Variants in PCDH7 observed in about 807,000 individuals in gnomAD.
PCDH7 encodes the protein protocadherin 7, also known as protocadherin-7.
In PCDH7, 17 loss-of-function variants were observed where a neutral mutation model predicts 58.9. The ratio of observed to expected loss-of-function variants is 0.29; its 90% CI spans 0.20 to 0.43. The LOEUF is 0.43. Among genes scored for constraint, PCDH7 ranks in the 20% least tolerant of loss-of-function variants. PCDH7 has a pLI of 1.00. For synonymous variants in PCDH7, 664 were observed against 616.4 expected, an observed-to-expected ratio of 1.08 and a Z score of -1.14; for missense variants, 1,274 against 1,441.0, an observed-to-expected ratio of 0.88 and a Z score of 1.88.
At chr4:30,947,154 G>A (rs1315606070) in intron 2 of PCDH7, among the ~76,000 whole-genome samples, 1 of 151,916 alleles carries the variant, frequency 6.6e-6, no homozygotes, top group Non-Finnish European at 1.5e-5. Context: ...CTTAATATCT[G>A]TACTTCTACC....
At chr4:30,819,746 A>T (rs1728137308) in intron 1 of PCDH7, among the ~76,000 whole-genome samples, 2 of 152,138 alleles carry the variant, frequency 1.3e-5, no homozygotes, top group Admixed American at 1.3e-4. Flanking sequence ...AAATTTCTGT[A>T]ATTGGGCCGG....
intron 3 of PCDH7, among the ~76,000 whole-genome samples, chr4:31,112,549 T>C (rs993064525): frequency 6.6e-6 from 1 of 152,206 alleles, no homozygotes; most frequent in Non-Finnish European, 1.5e-5. Context: ...GTATGTTCAG[T>C]TGGCGTAACA....
chr4:30,753,544 G>A (rs1020872947), intron 1 of PCDH7, among the ~76,000 whole-genome samples: 6 of 152,162 alleles, frequency 3.9e-5, no homozygotes, highest in Non-Finnish European at 5.9e-5. Flanking sequence ...CGCCATATAA[G>A]GTAGCATTTC....
At chr4:30,809,757 T>A (rs1039412113) in intron 1 of PCDH7, among the ~76,000 whole-genome samples, 2 of 152,162 alleles carry the variant, frequency 1.3e-5, no homozygotes, top group African/African-American at 4.8e-5. Context: ...GACACAGATT[T>A]TTCCGTTTCC....
intron 1 of PCDH7, among the ~76,000 whole-genome samples, chr4:30,863,010 C>T (rs1314260914): frequency 2.0e-5 from 3 of 152,092 alleles, no homozygotes; most frequent in African/African-American, 4.8e-5. Context: ...TAAATTCTCT[C>T]ATTTTTATGA....
chr4:30,819,538 G>A (rs887996194), intron 1 of PCDH7, among the ~76,000 whole-genome samples: 4 of 152,094 alleles, frequency 2.6e-5, no homozygotes, highest in African/African-American at 4.8e-5. Context: ...AATAGACTTC[G>A]TTGCCGTTTT....
chr4:31,013,137 T>A (rs905484269), intron 3 of PCDH7, among the ~76,000 whole-genome samples: 1 of 150,446 alleles, frequency 6.6e-6, no homozygotes, highest in African/African-American at 2.4e-5. Flanking sequence ...CAGTGAGCTG[T>A]GATATGATCA....
In PCDH7 at chr4:30,922,097, C is replaced by A. The variant is rs893918719; in HGVS notation, c.287+1728C>A. ...TAGTCACATGTACTATAGTGTATTACGTTACATATGTGTAACGTGTAATTA... is the reference window on the plus strand; with the variant it reads ...TAGTCACATGTACTATAGTGTATTAAGTTACATATGTGTAACGTGTAATTA... On this transcript the variant is annotated intron_variant, in intron 2 of 3. Transcript: ENST00000509759. 2.6e-5 allele frequency among the ~76,000 whole-genome samples: 4 copies of A among 151,364 alleles called. No homozygotes were observed. The East Asian group carries it at 7.8e-4, about 29-fold the overall frequency.
In PCDH7 at chr4:30,759,133, G is replaced by A. The variant is rs559798672; in HGVS notation, c.70+34537G>A. Among the ~76,000 whole-genome samples, 53 of 151,956 alleles carry A rather than the reference G, an allele frequency of 3.5e-4. 2 individuals carry two copies. Among genetic ancestry groups the A allele is most frequent in the Middle Eastern group, 3.4e-3 (1 of 294 alleles). ...ATTTTTGTCCTTTTAGTAAAGATGGGGTTTCACCATGTTGGCCAGGCTGGT... is the reference window on the plus strand; with the variant it reads ...ATTTTTGTCCTTTTAGTAAAGATGGAGTTTCACCATGTTGGCCAGGCTGGT... On this transcript the variant is annotated intron_variant, in intron 1 of 3. Coordinates refer to the PCDH7 transcript ENST00000509759.
chr4:31,011,083 G>A (rs1219601299), intron 3 of PCDH7, among the ~76,000 whole-genome samples: 4 of 151,814 alleles, frequency 2.6e-5, no homozygotes, highest in African/African-American at 9.7e-5. Flanking sequence ...ATATGTATAA[G>A]ATCCCTCAAT....
At chr4:30,773,996 A>G (rs1348283891) in intron 1 of PCDH7, among the ~76,000 whole-genome samples, 5 of 152,168 alleles carry the variant, frequency 3.3e-5, no homozygotes, top group Admixed American at 2.0e-4. Flanking sequence ...AGATCTTGGT[A>G]CCACATGCTT....
chr4:30,813,979 A>T (rs1727338784), intron 1 of PCDH7, among the ~76,000 whole-genome samples: 1 of 152,134 alleles, frequency 6.6e-6, no homozygotes, highest in Non-Finnish European at 1.5e-5. Flanking sequence ...TAATTATTTG[A>T]AATAATATGC....
intron 3 of PCDH7, among the ~76,000 whole-genome samples, chr4:31,062,420 G>T (rs1333645426): frequency 1.3e-5 from 2 of 151,644 alleles, no homozygotes; most frequent in Non-Finnish European, 3.0e-5. Context: ...TAGTTTTCTT[G>T]TTCATTTAAA....
intron 3 of PCDH7, among the ~76,000 whole-genome samples, chr4:31,004,268 T>G (rs2109141659): frequency 6.6e-6 from 1 of 151,940 alleles, no homozygotes; most frequent in Non-Finnish European, 1.5e-5. Flanking sequence ...GAGAGAGAAA[T>G]ACGAAACCGA....
chr4:30,744,430 A>C (rs1371058004), intron 1 of PCDH7, among the ~76,000 whole-genome samples: 1 of 152,204 alleles, frequency 6.6e-6, no homozygotes, highest in African/African-American at 2.4e-5. Context: ...TAATGTAACC[A>C]TGATTTACAT....
chr4:30,902,144 C>T (rs1560484688), intron 1 of PCDH7, among the ~76,000 whole-genome samples: 1 of 152,158 alleles, frequency 6.6e-6, no homozygotes, highest in African/African-American at 2.4e-5. Flanking sequence ...ACTTTATCAA[C>T]TCAATTACTA....
intron 1 of PCDH7, among the ~76,000 whole-genome samples, chr4:30,775,415 A>G (rs1254669730): frequency 6.6e-6 from 1 of 152,094 alleles, no homozygotes; most frequent in Non-Finnish European, 1.5e-5. Context: ...GTGTGTGTAT[A>G]TTCAGAAAGT....
chr4:31,016,578 T>G (rs1316521331), intron 3 of PCDH7, among the ~76,000 whole-genome samples: 1 of 151,970 alleles, frequency 6.6e-6, no homozygotes, highest in Non-Finnish European at 1.5e-5. Flanking sequence ...GTGGTATCAG[T>G]AGGAAGTAGC....
chr4:31,066,785 G>T (rs375271416), intron 3 of PCDH7, among the ~76,000 whole-genome samples: 1 of 151,810 alleles, frequency 6.6e-6, no homozygotes, highest in Non-Finnish European at 1.5e-5. Context: ...ATTTCATAAA[G>T]GTTCAATTAC....
Sources: gnomAD v4.1 joint callset for allele counts (sites outside exome capture counted in the v4.1 genomes callset) on GRCh38, gnomAD v4.1.1 for gene constraint, MANE v1.5 for transcripts, NCBI Gene and HGNC (gene_info 2026-07-23, HGNC 2026-07-21) for gene names.